MCU: variants seen among roughly 807,000 people sequenced by gnomAD.
The protein encoded by MCU is mitochondrial calcium uniporter.
A neutral mutation model predicts 45.2 loss-of-function variants in MCU; 12 were observed. The ratio of observed to expected loss-of-function variants is 0.27; its 90% confidence interval spans 0.17 to 0.43. MCU has a LOEUF of 0.43. MCU is among the 20% of genes least tolerant of loss of function. The pLI is 1.00. For missense variants in MCU, 324 were observed against 436.7 expected (o/e 0.74, Z 2.30); for synonymous variants, 160 against 165.1 (o/e 0.97, Z 0.24).
chr10:72,746,787 TCTAATC>T (rs1843420838), intron 1 of MCU, among the ~76,000 whole-genome samples: 2 of 152,342 alleles, frequency 1.3e-5, no homozygotes, highest in African/African-American at 4.8e-5. Flanking sequence ...TATTTGGACT[TCTAATC>T]CCTGCCGACT....
At chr10:72,698,161 T>C (rs1842713617) in intron 1 of MCU, among the ~76,000 whole-genome samples, 1 of 152,192 alleles carries the variant, frequency 6.6e-6, no homozygotes, top group African/African-American at 2.4e-5. Context: ...TATTTGAACT[T>C]TTCTAAGTCC....
chr10:72,884,978 T>G (rs1215398785), intron 7 of MCU, among the ~76,000 whole-genome samples: 1 of 152,242 alleles, frequency 6.6e-6, no homozygotes, highest in Non-Finnish European at 1.5e-5. Flanking sequence ...CTGTAGTCTT[T>G]GTGACTTTAG....
At chr10:72,701,652 G>A (rs897486748) in intron 1 of MCU, among the ~76,000 whole-genome samples, 4 of 151,838 alleles carry the variant, frequency 2.6e-5, no homozygotes, top group Non-Finnish European at 5.9e-5. Flanking sequence ...TCATCCTCCC[G>A]AGTAGCTGGG....
intron 1 of MCU, among the ~76,000 whole-genome samples, chr10:72,829,322 CAA>C (rs34102458): frequency 0.51 from 59,700 of 116,550 alleles, 14,765 homozygotes; most frequent in Non-Finnish European, 0.64. Context: ...GACACTGTCT[CAA>C]AAAAAAAAAA....
chr10:72,818,821 A>T (rs143274939), intron 1 of MCU, among the ~76,000 whole-genome samples: 2 of 150,530 alleles, frequency 1.3e-5, no homozygotes, highest in African/African-American at 5.0e-5. Flanking sequence ...AGCCTGGGCA[A>T]CAAGAGCAAA....
intron 1 of MCU, among the ~76,000 whole-genome samples, chr10:72,732,929 A>G (rs1383206210): frequency 1.3e-5 from 2 of 152,186 alleles, no homozygotes; most frequent in African/African-American, 4.8e-5. Flanking sequence ...TGTTTTTTCT[A>G]CATTTAGTGA....
At chr10:72,710,218 T>C (rs1048712181) in intron 1 of MCU, among the ~76,000 whole-genome samples, 4 of 152,162 alleles carry the variant, frequency 2.6e-5, no homozygotes, top group African/African-American at 7.2e-5. Flanking sequence ...CCTCGTGATC[T>C]GCCCCCCTCA....
At chr10:72,706,782 G>A (rs1037678437) in intron 1 of MCU, among the ~76,000 whole-genome samples, 1 of 149,062 alleles carries the variant, frequency 6.7e-6, no homozygotes, top group Admixed American at 6.7e-5. Flanking sequence ...CGATCTGCCC[G>A]CCTTGGCCTC....
At chr10:72,720,822 C>G (rs896710912) in intron 1 of MCU, among the ~76,000 whole-genome samples, 6 of 152,112 alleles carry the variant, frequency 3.9e-5, no homozygotes, top group Non-Finnish European at 8.8e-5. Flanking sequence ...TAATAGAACC[C>G]TTAATAGCTG....
intron 1 of MCU, among the ~76,000 whole-genome samples, chr10:72,832,433 G>C (rs1237682014): frequency 6.6e-6 from 1 of 152,096 alleles, no homozygotes; most frequent in Non-Finnish European, 1.5e-5. Context: ...GATGTAACAG[G>C]CATATGCAAA....
chr10:72,884,628 A>C (rs979780682), intron 7 of MCU, among the ~76,000 whole-genome samples: 2 of 144,992 alleles, frequency 1.4e-5, no homozygotes, highest in East Asian at 4.0e-4. Flanking sequence ...GCACATTGAC[A>C]TTTTTAGGCC....
intron 2 of MCU, among the ~76,000 whole-genome samples, chr10:72,836,526 A>G (rs1481401169): frequency 6.6e-6 from 1 of 152,150 alleles, no homozygotes; most frequent in Admixed American, 6.5e-5. Flanking sequence ...CCTATATTCT[A>G]TCCATATGGA....
chr10:72,776,116 T>C (rs937732092), intron 1 of MCU, among the ~76,000 whole-genome samples: 1 of 151,628 alleles, frequency 6.6e-6, no homozygotes, highest in African/African-American at 2.4e-5. Flanking sequence ...TGCAGTGAGC[T>C]ATCATTGCAC....
At chr10:72,867,176 G>A (rs191827497) in intron 4 of MCU, among the ~76,000 whole-genome samples, 1 of 151,640 alleles carries the variant, frequency 6.6e-6, no homozygotes, top group East Asian at 1.9e-4. Flanking sequence ...CTGTAGTAAA[G>A]GACATCCTTA....
intron 6 of MCU, among the ~76,000 whole-genome samples, chr10:72,877,132 G>A (rs1392182610): frequency 6.6e-6 from 1 of 151,902 alleles, no homozygotes; most frequent in Non-Finnish European, 1.5e-5. Flanking sequence ...CATTGCCCAG[G>A]CTGGTCTCAA....
chr10:72,781,336 A>G (rs1416033037), intron 1 of MCU, among the ~76,000 whole-genome samples: 10 of 152,218 alleles, frequency 6.6e-5, no homozygotes, highest in Non-Finnish European at 2.9e-5. Flanking sequence ...ATTTTTCCCC[A>G]TGGCTTAACT....
intron 1 of MCU, among the ~76,000 whole-genome samples, chr10:72,796,316 G>A (rs1844245180): frequency 6.6e-6 from 1 of 152,062 alleles, no homozygotes; most frequent in Non-Finnish European, 1.5e-5. Context: ...GCACGCACCT[G>A]TAGTCTTACC....
At chr10:72,785,563 T>C (rs541256134) in intron 1 of MCU, among the ~76,000 whole-genome samples, 1 of 152,232 alleles carries the variant, frequency 6.6e-6, no homozygotes, top group Non-Finnish European at 1.5e-5. Context: ...ATCTGACAGA[T>C]TGAAATGAGC....
intron 1 of MCU, among the ~76,000 whole-genome samples, chr10:72,695,686 A>G (rs1348407204): frequency 6.6e-6 from 1 of 151,884 alleles, no homozygotes; most frequent in Non-Finnish European, 1.5e-5. Flanking sequence ...GTGGTTATGA[A>G]CAGACCAAGG....
Sources: allele counts gnomAD v4.1 joint callset (sites outside exome capture counted in the v4.1 genomes callset), GRCh38; gene constraint gnomAD v4.1.1; transcripts MANE v1.5; gene names NCBI Gene and HGNC (gene_info 2026-07-23, HGNC 2026-07-21).